BRD4: variants seen among roughly 807,000 people sequenced by gnomAD.
BRD4 encodes bromodomain containing 4, also known as bromodomain-containing protein 4.
Under a neutral mutation model 142.1 loss-of-function variants are expected in BRD4, and 16 were observed. The observed-to-expected ratio is 0.11, with a 90% CI of 0.08 to 0.17. The LOEUF is 0.17. Among genes scored for constraint, BRD4 ranks in the 10% least tolerant of loss-of-function variants. The pLI is 1.00. For synonymous variants in BRD4, 833 were observed against 707.5 expected (o/e 1.18, Z -2.82); for missense variants, 1,424 against 1,810.9 (o/e 0.79, Z 3.88).
In BRD4 at chr19:15,318,520, T is replaced by C. The variant is rs2048035080; in HGVS notation, c.-35+13770A>G. Among the ~76,000 whole-genome samples the C allele has an allele frequency of 3.3e-5, 5 of 152,342 alleles. No homozygotes were observed. The South Asian group carries it at 1.0e-3, about 32-fold the overall frequency. ...ATCCCTAAACGTAAGCATGTCATGC[T>C]GAAGAATGGTAGTTTCCCACAAGCT... On this transcript the variant is annotated intron_variant, in intron 1 of 19. Transcript: ENST00000679869.
intron 1 of BRD4, among the ~76,000 whole-genome samples, chr19:15,322,967 G>A (rs1179500674): frequency 2.6e-5 from 4 of 151,176 alleles, no homozygotes; most frequent in East Asian, 1.9e-4. Flanking sequence ...GGAGAATGGC[G>A]TGGACCTGGG....
chr19:15,270,110 G>A (rs1446985286), intron 2 of BRD4, among the ~76,000 whole-genome samples: 1 of 152,206 alleles, frequency 6.6e-6, no homozygotes, highest in African/African-American at 2.4e-5. Flanking sequence ...TTCAAGTGGT[G>A]TATCAGAACC....
chr19:15,312,468 T>C (rs2047979971), intron 1 of BRD4, among the ~76,000 whole-genome samples: 1 of 152,030 alleles, frequency 6.6e-6, no homozygotes, highest in Admixed American at 6.6e-5. Context: ...CCGTCTCTAC[T>C]AAAAATACAA....
At chr19:15,326,478 A>AAAAT (rs1364811276) in intron 1 of BRD4, among the ~76,000 whole-genome samples, 1 of 152,124 alleles carries the variant, frequency 6.6e-6, no homozygotes, top group Non-Finnish European at 1.5e-5. Context: ...ACTCTGCCTC[A>AAAAT]AAATAAATAA....
chr19:15,273,776 C>T (rs528070863), intron 1 of BRD4, among the ~76,000 whole-genome samples: 19 of 149,850 alleles, frequency 1.3e-4, no homozygotes, highest in Admixed American at 6.0e-4. Context: ...TGTTTACTGC[C>T]GATAAAATAA....
chr19:15,330,326 TG>T (rs1425411707), intron 1 of BRD4, among the ~76,000 whole-genome samples: 7 of 152,184 alleles, frequency 4.6e-5, no homozygotes, highest in Non-Finnish European at 8.8e-5. Flanking sequence ...CTTCTCCATT[TG>T]ATCAATGGAA....
intron 1 of BRD4, among the ~76,000 whole-genome samples, chr19:15,317,613 G>T (rs1430409874): frequency 1.3e-5 from 2 of 152,042 alleles, no homozygotes; most frequent in Non-Finnish European, 2.9e-5. Context: ...GGGGGTGGTG[G>T]GCAAGGGGTG....
At chr19:15,328,747 C>T (rs1433123635) in intron 1 of BRD4, among the ~76,000 whole-genome samples, 1 of 152,144 alleles carries the variant, frequency 6.6e-6, no homozygotes, top group Non-Finnish European at 1.5e-5. Flanking sequence ...GCAAACAAAA[C>T]CCTGCCCTCA....
At chr19:15,303,121 T>G (rs187938235) in intron 1 of BRD4, among the ~76,000 whole-genome samples, 1 of 152,130 alleles carries the variant, frequency 6.6e-6, no homozygotes, top group East Asian at 1.9e-4. Context: ...ACCAACAATC[T>G]TAAAGGAGTA....
At chr19:15,276,883 GGC>G (rs1320726282) in intron 1 of BRD4, among the ~76,000 whole-genome samples, 1 of 152,178 alleles carries the variant, frequency 6.6e-6, no homozygotes, top group Admixed American at 6.5e-5. Context: ...GGGCTGCTCT[GGC>G]CATGGACGGG....
chr19:15,291,611 G>A (rs1200857246), intron 1 of BRD4, among the ~76,000 whole-genome samples: 2 of 152,074 alleles, frequency 1.3e-5, no homozygotes, highest in Non-Finnish European at 2.9e-5. Context: ...ATTCTCCACT[G>A]GAACATCTCA....
At chr19:15,245,222 C>T (rs2047275003) in intron 11 of BRD4, among the ~76,000 whole-genome samples, 1 of 152,068 alleles carries the variant, frequency 6.6e-6, no homozygotes, top group Non-Finnish European at 1.5e-5. Context: ...TCCAGGGTCA[C>T]ATGGCTAAAA....
In BRD4 at chr19:15,239,829, G is replaced by A; in HGVS notation, c.3283-8C>T. On this transcript the variant is annotated splice_region_variant and splice_polypyrimidine_tract_variant and intron_variant, in intron 15 of 19. Transcript: ENST00000679869. The surrounding 1 kb of genome is among the most constrained non-coding windows in gnomAD (Gnocchi z 7.4). ...GGAGGCAGCACGCAGCTCCTGGGAT[G>A]GCACAGGCACAGCGGCCGGTGAGGT... is the stretch of plus-strand genomic sequence containing the variant. The A allele has an allele frequency of 6.2e-7, 1 of 1,613,802 alleles. No individual in the cohort carries two copies. The highest frequency in any genetic ancestry group is 8.5e-7 in the Non-Finnish European group (1 of 1,179,970).
chr19:15,320,961 T>C (rs2048056279), intron 1 of BRD4, among the ~76,000 whole-genome samples: 1 of 152,198 alleles, frequency 6.6e-6, no homozygotes, highest in South Asian at 2.1e-4. Flanking sequence ...GGGCCAGGCA[T>C]AGTGGCTCAC....
rs1347405753 is a variant in BRD4 at position 15,243,443 on chromosome 19, G to T, written c.2626C>A (p.Arg876=). Residue 876 remains arginine (R), a synonymous_variant, in exon 14 of 20, where the codon CGA becomes AGA. Coordinates refer to ENST00000679869, the MANE Select transcript of BRD4 (RefSeq NM_001379291.1). The part of the protein sequence containing the change: ...LPQQPSRPSN[R]AAALPPKPAR... Reference sequence around the variant, plus strand: ...GGCTTGGGAGGCAGGGCAGCGGCTCGGTTGCTGGGCCGTGATGGCTGCTGG... The same window carrying T: ...GGCTTGGGAGGCAGGGCAGCGGCTCTGTTGCTGGGCCGTGATGGCTGCTGG... The T allele has an allele frequency of 1.3e-6, 2 of 1,574,900 alleles. No individual in the cohort carries two copies.
In BRD4 at chr19:15,272,736, C is replaced by G. The variant is rs544451055; in HGVS notation, c.285+79G>C. On this transcript the variant is annotated intron_variant, in intron 2 of 19. Coordinates refer to ENST00000679869, the MANE Select transcript of BRD4 (RefSeq NM_001379291.1). The stretch of plus-strand genomic sequence containing the variant: ...TCCAAATGCATCTCCTACCCTCCCC[C>G]CAGGAACTGCCCTGACCAGGAGACA... 22 of 1,404,010 alleles carry G rather than the reference C, an allele frequency of 1.6e-5. No homozygotes were observed. The South Asian group carries it at 1.6e-4, about 10-fold the overall frequency. The allele number at this position is 1,404,010 out of a possible 1,614,324, so 87.0% of individuals were successfully genotyped here. A position where few individuals can be genotyped will look rare whatever the true frequency, so the allele number is the denominator to read the frequency against.
rs761750069 is a variant in BRD4, at chr19:15,256,146, C to T, written c.1669G>A (p.Val557Met). 6.2e-6 allele frequency: 10 copies of T among 1,611,896 alleles called. No homozygotes were observed. Among genetic ancestry groups the T allele is most frequent in the Non-Finnish European group, 8.5e-6 (10 of 1,179,848 alleles). ...GCTTTGCTTTTTTTATTCTCTTCCA[C>T]TTCCTCTTTCCTTTTGTGCTTTTCT... is the stretch of plus-strand genomic sequence containing the variant. ...KKEKHKRKEE[V>M]EENKKSKAKE... is the part of the protein sequence containing the mutation. The change falls in exon 9 of 20, where the codon GTG becomes ATG. Residue 557 changes from valine (V) to methionine (M), a missense_variant. Val to Met is a conservative substitution (Grantham distance 21, BLOSUM62 1). Transcript: ENST00000679869.
chr19:15,238,996 C>T lies in BRD4; in HGVS notation c.3783-16G>A, dbSNP rs1186302666. On this transcript the variant is annotated splice_polypyrimidine_tract_variant and intron_variant, in intron 18 of 19. Transcript: ENST00000679869. This position sits in a 1 kb window ranked among gnomAD's most constrained non-coding sequence, Gnocchi z 7.2. ...CTCTCGGCTCCTGGGCAGAGGGTCC[C>T]AGTCAGCCTGGGGACTGGTGTGGCC... The T allele has an allele frequency of 6.3e-7, 1 of 1,578,996 alleles. No individual in the cohort carries two copies. Among genetic ancestry groups the T allele is most frequent in the Non-Finnish European group, 8.6e-7 (1 of 1,164,382 alleles).
chr19:15,279,137 G>A (rs73508422), intron 1 of BRD4, among the ~76,000 whole-genome samples: 134 of 152,226 alleles, frequency 8.8e-4, no homozygotes, highest in African/African-American at 3.0e-3. Context: ...CACCGCACCC[G>A]GCTAAGCATG....
Sources: gnomAD v4.1 joint callset for allele counts (sites outside exome capture counted in the v4.1 genomes callset) on GRCh38, gnomAD v4.1.1 for gene constraint, Gnocchi (gnomAD v3.1) non-coding constraint, MANE v1.5 for transcripts, NCBI Gene and HGNC (gene_info 2026-07-23, HGNC 2026-07-21) for gene names.